SCN8A: variants seen among roughly 807,000 people sequenced by gnomAD.
SCN8A encodes sodium channel protein type 8 subunit alpha.
In SCN8A, 30 loss-of-function variants were observed where a neutral mutation model predicts 184.1. That is an observed-to-expected ratio of 0.16 (90% CI 0.12 to 0.22). SCN8A has a LOEUF of 0.22. SCN8A is among the 10% of genes least tolerant of loss of function. The pLI, the probability that SCN8A is intolerant of heterozygous loss-of-function variation, is 1.00. For missense variants in SCN8A, 1,057 were observed against 2,498.9 expected (o/e 0.42, Z 12.30); for synonymous variants, 852 against 907.0 (o/e 0.94, Z 1.09).
chr12:51,746,790 T>C (rs371241473), intron 13 of SCN8A, among the ~76,000 whole-genome samples: 3 of 152,210 alleles, frequency 2.0e-5, no homozygotes, highest in African/African-American at 2.4e-5. Context: ...TCTCCAGTTA[T>C]GGTCTGTAGT....
intron 6 of SCN8A, among the ~76,000 whole-genome samples, chr12:51,697,702 A>C (rs1177883021): frequency 6.6e-6 from 1 of 152,230 alleles, no homozygotes; most frequent in African/African-American, 2.4e-5. Context: ...TTATCTATTT[A>C]AACCTAACAA....
intron 6 of SCN8A, among the ~76,000 whole-genome samples, 173 bp from the exon 7 acceptor site, chr12:51,699,397 G>A (rs1163438402): frequency 6.6e-6 from 1 of 152,150 alleles, no homozygotes; most frequent in Non-Finnish European, 1.5e-5. Flanking sequence ...GGATACTTCT[G>A]GAATATTGAT....
At chr12:51,686,513 A>G in intron 4 of SCN8A, 56 bp downstream of exon 4, 1 of 1,259,058 alleles carries the variant, frequency 7.9e-7, no homozygotes, top group Non-Finnish European at 1.1e-6. Flanking sequence ...TAGTCACTAA[A>G]TCTTGCTTTG....
At chr12:51,660,544 G>A (rs978404933) in intron 1 of SCN8A, among the ~76,000 whole-genome samples, 1 of 152,184 alleles carries the variant, frequency 6.6e-6, no homozygotes, top group African/African-American at 2.4e-5. Context: ...AGAAGTTTAA[G>A]ACCTCTGGGA....
intron 2 of SCN8A, among the ~76,000 whole-genome samples, chr12:51,672,122 CA>C (rs1941142300): frequency 6.6e-6 from 1 of 152,144 alleles, no homozygotes; most frequent in African/African-American, 2.4e-5. Flanking sequence ...AGTCTGTAAA[CA>C]CACTCAAAGC....
intron 1 of SCN8A, among the ~76,000 whole-genome samples, chr12:51,654,873 T>G (rs1396323976): frequency 1.3e-5 from 2 of 152,122 alleles, no homozygotes; most frequent in African/African-American, 4.8e-5. Flanking sequence ...ACATATTTTT[T>G]TGTGTGTTCT....
intron 14 of SCN8A, among the ~76,000 whole-genome samples, chr12:51,760,473 C>G (rs558819329): frequency 2.3e-4 from 35 of 152,242 alleles, no homozygotes; most frequent in African/African-American, 8.4e-4. Context: ...AACCAGAGTT[C>G]CCACAGTATA....
At chr12:51,798,595 G>A (rs531164544) in intron 26 of SCN8A, among the ~76,000 whole-genome samples, 1 of 152,320 alleles carries the variant, frequency 6.6e-6, no homozygotes, top group South Asian at 2.1e-4. Context: ...GTCCATGTTG[G>A]TGAGCCCATG....
intron 1 of SCN8A, among the ~76,000 whole-genome samples, chr12:51,603,728 T>A (rs1677461537): frequency 6.6e-6 from 1 of 152,016 alleles, no homozygotes. Context: ...TTGTCAGGTT[T>A]AAATTTTTTT....
chr12:51,636,154 C>T (rs773156612), intron 1 of SCN8A, among the ~76,000 whole-genome samples: 7 of 152,158 alleles, frequency 4.6e-5, no homozygotes, highest in Non-Finnish European at 1.0e-4. Flanking sequence ...GCCACCACGC[C>T]TGGCTAATTT....
rs1454483862 is a variant in SCN8A, at chr12:51,768,942, A to G, written c.2979A>G (p.Glu993=). The change falls in exon 17 of 27, where the codon GAA becomes GAG. Residue 993 remains glutamate, a synonymous_variant. Coordinates refer to ENST00000627620, the MANE Select transcript of SCN8A (RefSeq NM_001330260.2). ...TGGCTGCCACAGATGACGATGGGGA[A>G]ATGAACAACCTCCAGATCTCAGTGA... The part of the protein sequence containing the change: ...DNLAATDDDG[E]MNNLQISVIR... 4 of 1,607,514 alleles carry G rather than the reference A, an allele frequency of 2.5e-6. No individual in the cohort carries two copies. The African/African-American group carries it at 5.3e-5, about 21-fold the overall frequency.
At position 51,612,826 on chromosome 12, in the gene SCN8A, A is replaced by G. The variant is rs184199054; in HGVS notation, c.-55+21467A>G. ...AACCTCCGCCTTCTGGGTTCAAGTG[A>G]TTCTCCTGCCTCAGCCTCCCGAGTA... On this transcript the variant is annotated intron_variant, in intron 1 of 26. Transcript: ENST00000627620. Among the ~76,000 whole-genome samples, 536 of 152,168 alleles carry G rather than the reference A, an allele frequency of 3.5e-3. 6 individuals are homozygous for G. Among genetic ancestry groups the G allele is most frequent in the African/African-American group, 0.012 (510 of 41,500 alleles).
At chr12:51,603,998 C>G (rs765810122) in intron 1 of SCN8A, among the ~76,000 whole-genome samples, 1 of 152,166 alleles carries the variant, frequency 6.6e-6, no homozygotes, top group African/African-American at 2.4e-5. Context: ...CTTACATGGG[C>G]ATATTTTCTC....
chr12:51,645,508 T>C (rs1940562648), intron 1 of SCN8A, among the ~76,000 whole-genome samples: 1 of 151,876 alleles, frequency 6.6e-6, no homozygotes, highest in South Asian at 2.1e-4. Flanking sequence ...TTTTGTAGAA[T>C]AGAAAGGGGG....
chr12:51,689,596 A>G (rs1365429765), intron 6 of SCN8A: 1 of 155,034 alleles, frequency 6.5e-6, no homozygotes, highest in Non-Finnish European at 1.4e-5. Flanking sequence ...AGTATCAGAG[A>G]CAAATTTAAG....
chr12:51,601,238 T>C (rs531149996), intron 1 of SCN8A, among the ~76,000 whole-genome samples: 1 of 152,308 alleles, frequency 6.6e-6, no homozygotes, highest in Non-Finnish European at 1.5e-5. Flanking sequence ...GCAAGTAATA[T>C]TTTAGTAGAT....
chr12:51,717,604 C>G (rs1191793611), intron 11 of SCN8A, among the ~76,000 whole-genome samples: 1 of 152,172 alleles, frequency 6.6e-6, no homozygotes, highest in Non-Finnish European at 1.5e-5. Flanking sequence ...GAATAGTAAG[C>G]TTACCAATCC....
At chr12:51,650,805 T>G (rs1227760901) in intron 1 of SCN8A, among the ~76,000 whole-genome samples, 1 of 152,120 alleles carries the variant, frequency 6.6e-6, no homozygotes, top group African/African-American at 2.4e-5. Flanking sequence ...GCTAGAGGAA[T>G]TAAAGACATA....
chr12:51,715,149 A>G (rs978462196), intron 11 of SCN8A, among the ~76,000 whole-genome samples: 2 of 152,158 alleles, frequency 1.3e-5, no homozygotes, highest in Non-Finnish European at 2.9e-5. Flanking sequence ...CCCCTTTCAC[A>G]TTTGTCCATT....
Sources: gnomAD v4.1 joint callset for allele counts (sites outside exome capture counted in the v4.1 genomes callset) on GRCh38, gnomAD v4.1.1 for gene constraint, MANE v1.5 for transcripts, NCBI Gene and HGNC (gene_info 2026-07-23, HGNC 2026-07-21) for gene names.